MAPK10: variants seen among roughly 807,000 people sequenced by gnomAD.
The protein encoded by MAPK10 is mitogen-activated protein kinase 10, also known as JNK3 alpha protein kinase.
MAPK10 carries 25 observed loss-of-function variants against 59.3 expected under a neutral mutation model. The observed-to-expected ratio is 0.42, with a 90% CI of 0.31 to 0.59. The LOEUF (loss-of-function observed/expected upper bound fraction) is 0.59. MAPK10 is among the 20% of genes least tolerant of loss of function. MAPK10 has a pLI of 0.15. For missense variants in MAPK10, 351 were observed against 568.9 expected, an observed-to-expected ratio of 0.62 and a Z score of 3.90; for synonymous variants, 190 against 200.5, an observed-to-expected ratio of 0.95 and a Z score of 0.44.
chr4:86,197,911 G>A (rs1048849921), intron 2 of MAPK10, among the ~76,000 whole-genome samples: 5 of 152,128 alleles, frequency 3.3e-5, no homozygotes, highest in Admixed American at 2.0e-4. Flanking sequence ...GATAGACTAT[G>A]AATTAATAGA....
chr4:86,100,903 C>A (rs2055237091), intron 8 of MAPK10, 149 bp downstream of exon 8: 1 of 594,430 alleles, frequency 1.7e-6, no homozygotes, highest in Non-Finnish European at 2.9e-6. Flanking sequence ...TGTTTCTTAC[C>A]AGTAGTATTA....
intron 3 of MAPK10, among the ~76,000 whole-genome samples, chr4:86,185,930 T>C (rs2078118708): frequency 6.6e-6 from 1 of 152,098 alleles, no homozygotes; most frequent in Non-Finnish European, 1.5e-5. Flanking sequence ...AGTGGAGATG[T>C]AGAACAGACA....
At chr4:86,188,427 A>T (rs895352360) in intron 3 of MAPK10, among the ~76,000 whole-genome samples, 2 of 152,102 alleles carry the variant, frequency 1.3e-5, no homozygotes, top group Non-Finnish European at 2.9e-5. Flanking sequence ...TGACTTTTTA[A>T]TGCTCACCAT....
intron 1 of MAPK10, among the ~76,000 whole-genome samples, chr4:86,591,889 C>T (rs1763072740): frequency 1.3e-5 from 2 of 152,140 alleles, no homozygotes; most frequent in South Asian, 4.2e-4. Context: ...TTGCCTTGTA[C>T]TTGACTTCAA....
At chr4:86,459,500 C>G (rs1194760463) in intron 1 of MAPK10, among the ~76,000 whole-genome samples, 1 of 152,132 alleles carries the variant, frequency 6.6e-6, no homozygotes, top group Non-Finnish European at 1.5e-5. Context: ...GGAACCAACC[C>G]AAATGCCCAT....
rs373679791 is a variant in MAPK10 at position 86,224,549 on chromosome 4, G to A, written c.-6-30142C>T. On this transcript the variant is annotated intron_variant, in intron 2 of 13. Transcript: ENST00000641462. The stretch of plus-strand genomic sequence containing the variant: ...CAGAGCAACCATTGAAGAGCTTCGG[G>A]GTAAGCATGACTTTATCAGATTTGT... Among the ~76,000 whole-genome samples the A allele has an allele frequency of 1.4e-4, 21 of 152,208 alleles. No homozygotes were observed. In the South Asian group the frequency reaches 4.4e-3, roughly 32 times the overall value.
chr4:86,041,430 C>T (rs4382028), intron 11 of MAPK10, among the ~76,000 whole-genome samples: 37,248 of 151,888 alleles, frequency 0.25, 5,926 homozygotes, highest in African/African-American at 0.46. Flanking sequence ...GGGCAAAGAC[C>T]TCATTACTAA....
intron 1 of MAPK10, among the ~76,000 whole-genome samples, chr4:86,532,211 T>C (rs1242504554): frequency 6.6e-6 from 1 of 151,962 alleles, no homozygotes; most frequent in Non-Finnish European, 1.5e-5. Context: ...ATTTAAGACT[T>C]TGTGCTTCAC....
chr4:86,443,778 A>C (rs575202624), intron 1 of MAPK10, among the ~76,000 whole-genome samples: 2 of 152,350 alleles, frequency 1.3e-5, no homozygotes, highest in South Asian at 4.1e-4. Context: ...CAAGCATCAG[A>C]ACAAGACTCA....
chr4:86,387,744 A>G (rs1387051613), intron 1 of MAPK10, among the ~76,000 whole-genome samples: 1 of 152,180 alleles, frequency 6.6e-6, no homozygotes, highest in African/African-American at 2.4e-5. Context: ...TGGAAAGAGT[A>G]AACTGAACTG....
chr4:86,544,357 G>A (rs1758974892), intron 1 of MAPK10, among the ~76,000 whole-genome samples: 1 of 152,166 alleles, frequency 6.6e-6, no homozygotes, highest in African/African-American at 2.4e-5. Flanking sequence ...TTTTTTGGGG[G>A]AATAAAACAA....
intron 2 of MAPK10, among the ~76,000 whole-genome samples, chr4:86,206,778 A>G (rs145614934): frequency 0.32 from 49,157 of 151,756 alleles, 10,975 homozygotes; most frequent in African/African-American, 0.64. Flanking sequence ...GTTTTGATTT[A>G]CATTTCTCTG....
At chr4:86,284,910 A>C (rs2094941802) in intron 2 of MAPK10, among the ~76,000 whole-genome samples, 1 of 152,218 alleles carries the variant, frequency 6.6e-6, no homozygotes, top group African/African-American at 2.4e-5. Flanking sequence ...GAAAAGAATA[A>C]AAAGTCTTCA....
chr4:86,230,338 C>G (rs981519567), intron 2 of MAPK10, among the ~76,000 whole-genome samples: 4 of 152,148 alleles, frequency 2.6e-5, no homozygotes, highest in African/African-American at 7.2e-5. Flanking sequence ...TTGTATCACT[C>G]AAAGAAAACA....
chr4:86,107,612 A>G, intron 4 of MAPK10: 2 of 1,079,964 alleles, frequency 1.9e-6, no homozygotes, highest in South Asian at 8.3e-5. Context: ...GAAGAGGGCA[A>G]AGGAGAAGAA....
intron 1 of MAPK10, among the ~76,000 whole-genome samples, chr4:86,545,876 T>C (rs1759109296): frequency 6.6e-6 from 1 of 152,250 alleles, no homozygotes; most frequent in Admixed American, 6.5e-5. Context: ...CCTGATATTG[T>C]TAAAGCAAAC....
chr4:86,135,450 A>G (rs551876201), intron 4 of MAPK10, among the ~76,000 whole-genome samples: 54 of 152,268 alleles, frequency 3.5e-4, no homozygotes, highest in African/African-American at 1.3e-3. Context: ...ACGGCAGGGT[A>G]CTCCAACAGA....
chr4:86,561,907 A>G (rs546226185), intron 1 of MAPK10, among the ~76,000 whole-genome samples: 1 of 152,218 alleles, frequency 6.6e-6, no homozygotes, highest in East Asian at 1.9e-4. Context: ...AATTTTTATC[A>G]TCTTAATTTG....
chr4:86,411,865 T>C (rs1347541393), intron 1 of MAPK10, among the ~76,000 whole-genome samples: 1 of 152,240 alleles, frequency 6.6e-6, no homozygotes, highest in Non-Finnish European at 1.5e-5. Context: ...TTTGCCAGTC[T>C]GTGTCTTTTA....
Sources: gnomAD v4.1 joint callset for allele counts (sites outside exome capture counted in the v4.1 genomes callset) on GRCh38, gnomAD v4.1.1 for gene constraint, MANE v1.5 for transcripts, NCBI Gene and HGNC (gene_info 2026-07-23, HGNC 2026-07-21) for gene names.